The following TNPO3 variants were observed in gnomAD, a reference collection of about 807,000 sequenced individuals.
TNPO3 encodes transportin-3.
In TNPO3, 65 loss-of-function variants were observed where a neutral mutation model predicts 122.8. That is an observed-to-expected ratio of 0.53 (90% CI 0.43 to 0.65). TNPO3 has a LOEUF of 0.65. Ranked by LOEUF, TNPO3 falls within the 30% of genes least tolerant of loss-of-function variation. The pLI is 0.00. For missense variants in TNPO3, 850 were observed against 1,136.7 expected (o/e 0.75, Z 3.63); for synonymous variants, 372 against 411.2 (o/e 0.90, Z 1.15).
rs557566421 is a variant in TNPO3, at chr7:128,988,535, A to C, written c.1498+1426T>G. Among the ~76,000 whole-genome samples, 7 of 152,296 alleles carry C rather than the reference A, an allele frequency of 4.6e-5. 1 individual carries two copies. In the South Asian group the frequency reaches 1.5e-3, roughly 32 times the overall value. On this transcript the variant is annotated intron_variant, in intron 11 of 22. Transcript: ENST00000265388. ...CTATTCTGAGTATGAACATAGAGCA[A>C]TCTGTCTACTGCTGAGGCACAAATC...
chr7:129,000,865 G>C (rs1474719806), intron 6 of TNPO3, among the ~76,000 whole-genome samples, 194 bp downstream of exon 6: 2 of 152,096 alleles, frequency 1.3e-5, no homozygotes, highest in Non-Finnish European at 1.5e-5. Context: ...CCTTTCTATG[G>C]TAATTCTACA....
At chr7:128,982,476 C>T (rs751653301) in intron 13 of TNPO3, 152 bp from the exon 14 acceptor site, 10 of 548,676 alleles carry the variant, frequency 1.8e-5, no homozygotes, top group East Asian at 3.3e-5. Flanking sequence ...ACTCAAATGG[C>T]GCAAATTTTA....
chr7:128,967,300 G>A lies in TNPO3; in HGVS notation c.2691C>T (p.Asp897=). 6.2e-7 allele frequency: 1 copy of A among 1,612,844 alleles called. No homozygotes were observed. Among genetic ancestry groups the A allele is most frequent in the Non-Finnish European group, 8.5e-7 (1 of 1,178,804 alleles). The change falls in exon 21 of 23, where the codon GAC becomes GAT. Residue 897 remains aspartate, a synonymous_variant. Coordinates refer to ENST00000265388, the MANE Select transcript of TNPO3 (RefSeq NM_012470.4). The stretch of plus-strand genomic sequence containing the variant: ...CTCACCTAGTGACTTGCTTGTGGAA[G>A]TCTGTAAGTTGTTTGTGTGTCACTG... The part of the protein sequence containing the change: ...AVTVTHKQLT[D]FHKQVTSAEE...
At chr7:129,049,505 AAAG>A (rs764799548) in intron 1 of TNPO3, among the ~76,000 whole-genome samples, 1 of 152,234 alleles carries the variant, frequency 6.6e-6, no homozygotes, top group Non-Finnish European at 1.5e-5. Context: ...AAGACCTAAT[AAAG>A]AAGAAGTAAG....
chr7:129,055,006 C>G lies in TNPO3; in HGVS notation c.-236G>C, dbSNP rs1207870203. The G allele has an allele frequency of 1.9e-6, 1 of 520,820 alleles. No homozygotes were observed. Among genetic ancestry groups the G allele is most frequent in the South Asian group, 2.1e-5 (1 of 46,896 alleles). The allele number at this position is 520,820 out of a possible 1,614,324, so 32.3% of individuals were successfully genotyped here. A position where few individuals can be genotyped will look rare whatever the true frequency, so the allele number is the denominator to read the frequency against. On this transcript the variant is annotated 5_prime_UTR_variant, in exon 1 of 23. Transcript: ENST00000265388. ...TTTTTTCCGGTTTTTCCACTTGATT[C>G]TAGACTCTTGAGTCCACAGATTCTG...
intron 10 of TNPO3, among the ~76,000 whole-genome samples, chr7:128,991,352 G>T (rs1235923240): frequency 6.6e-6 from 1 of 152,124 alleles, no homozygotes; most frequent in East Asian, 1.9e-4. Flanking sequence ...TGAATACAGA[G>T]CTTGACTGCA....
At chr7:129,049,683 C>T (rs1488009922) in intron 1 of TNPO3, among the ~76,000 whole-genome samples, 1 of 151,964 alleles carries the variant, frequency 6.6e-6, no homozygotes, top group African/African-American at 2.4e-5. Context: ...GGCAAAAACA[C>T]ATAAAGACAA....
At chr7:128,957,452 T>C (rs1797009534) in intron 21 of TNPO3, 137 bp from the exon 22 acceptor site, 1 of 832,626 alleles carries the variant, frequency 1.2e-6, no homozygotes, top group Admixed American at 2.1e-5. Flanking sequence ...TGAGCGATCC[T>C]GGCTTCAGAT....
At chr7:128,990,270 G>C (rs1460436262) in intron 10 of TNPO3, 170 bp from the exon 11 acceptor site, 1 of 742,708 alleles carries the variant, frequency 1.3e-6, no homozygotes, top group Non-Finnish European at 2.3e-6. Context: ...TCAAAAAAGA[G>C]GAAAAGATAG....
Position 128,997,451 on chromosome 7 carries a change from TG to T in TNPO3, c.1095del (p.Phe365LeufsTer37), listed in dbSNP as rs1371915655. The T allele has an allele frequency of 6.2e-7, 1 of 1,614,210 alleles. No homozygotes were observed. The highest frequency in any genetic ancestry group is 1.7e-5 in the Admixed American group (1 of 60,024). On this transcript the variant is annotated frameshift_variant, in exon 8 of 23. Transcript: ENST00000265388. LOFTEE classifies it high-confidence loss of function. ...KTNDEVIHGI[F>X]KAYIQRLLHA... ...TGAAGCAGCCTCTGAATGTAAGCTT[TG>T]AAGATGCCATGAATAACTTCATCGT... is the stretch of plus-strand genomic sequence containing the variant.
chr7:128,963,034 G>A (rs1322876735), intron 21 of TNPO3, among the ~76,000 whole-genome samples: 2 of 152,204 alleles, frequency 1.3e-5, no homozygotes, highest in Non-Finnish European at 2.9e-5. Flanking sequence ...AGAGTCAACA[G>A]GAGACATGCC....
intron 9 of TNPO3, among the ~76,000 whole-genome samples, chr7:128,992,403 A>T (rs796130017): frequency 3.3e-5 from 5 of 152,174 alleles, no homozygotes; most frequent in Non-Finnish European, 5.9e-5. Flanking sequence ...ATAATAACTG[A>T]TAAATACATA....
chr7:129,001,554 G>A (rs115677776), intron 5 of TNPO3, among the ~76,000 whole-genome samples: 1,895 of 152,282 alleles, frequency 0.012, 48 homozygotes, highest in African/African-American at 0.043. Context: ...ACTGTGCACA[G>A]AGGGGCAGGG....
intron 10 of TNPO3, 64 bp downstream of exon 10, chr7:128,991,935 A>T: frequency 8.4e-7 from 1 of 1,183,556 alleles, no homozygotes; most frequent in Non-Finnish European, 1.2e-6. Context: ...GAAAAAAAAA[A>T]TAGTGTCATT....
chr7:129,013,061 G>A (rs1803396980), intron 4 of TNPO3, among the ~76,000 whole-genome samples: 1 of 152,140 alleles, frequency 6.6e-6, no homozygotes, highest in African/African-American at 2.4e-5. Flanking sequence ...CAAAGGTCAA[G>A]TAAAATCTTC....
intron 1 of TNPO3, among the ~76,000 whole-genome samples, chr7:129,025,136 GT>G (rs2150467642): frequency 6.6e-6 from 1 of 151,814 alleles, no homozygotes; most frequent in East Asian, 1.9e-4. Flanking sequence ...ATCACCTGAG[GT>G]CAGAAATTCG....
chr7:128,968,893 A>T (rs6957799), intron 20 of TNPO3, among the ~76,000 whole-genome samples: 95,274 of 149,654 alleles, frequency 0.64, 30,327 homozygotes, highest in Middle Eastern at 0.72. Context: ...AAGAAAAAAA[A>T]TTTTTTTTTT....
At chr7:128,973,533 G>A (rs553024380) in intron 18 of TNPO3, among the ~76,000 whole-genome samples, 8 of 151,132 alleles carry the variant, frequency 5.3e-5, no homozygotes, top group Admixed American at 1.3e-4. Flanking sequence ...TCAGGAGATC[G>A]AGACCATCCT....
chr7:128,957,889 G>A (rs377316073), intron 21 of TNPO3, among the ~76,000 whole-genome samples: 1 of 152,078 alleles, frequency 6.6e-6, no homozygotes, highest in Non-Finnish European at 1.5e-5. Context: ...GGGAGGAGGA[G>A]GGAGAGAGGA....
Sources: allele counts gnomAD v4.1 joint callset (sites outside exome capture counted in the v4.1 genomes callset), GRCh38; gene constraint gnomAD v4.1.1; transcripts MANE v1.5; gene names NCBI Gene and HGNC (gene_info 2026-07-23, HGNC 2026-07-21).